Variants in OPTN observed in about 807,000 individuals in gnomAD.
The protein encoded by OPTN is optineurin, also known as E3-14.7K-interacting protein.
In OPTN, 54 loss-of-function variants were observed where a neutral mutation model predicts 70.4. That is an observed-to-expected ratio of 0.77 (90% CI 0.62 to 0.96). The LOEUF (loss-of-function observed/expected upper bound fraction) is 0.96, where lower values mean the gene tolerates loss of function less well. Ranked by LOEUF, OPTN falls within the 40% of genes least tolerant of loss-of-function variation. OPTN has a pLI of 0.00. For synonymous variants in OPTN, 256 were observed against 248.5 expected, an observed-to-expected ratio of 1.03 and a Z score of -0.28; for missense variants, 624 against 673.2, an observed-to-expected ratio of 0.93 and a Z score of 0.81.
Position 13,137,171 on chromosome 10 carries a change from C to T in OPTN, c.*305C>T. 2 of 431,428 alleles carry T rather than the reference C, an allele frequency of 4.6e-6. No homozygotes were observed. Among genetic ancestry groups the T allele is most frequent in the Non-Finnish European group, 8.7e-6 (2 of 228,610 alleles). 26.7% of individuals were successfully genotyped at this position (431,428 alleles called of 1,614,324 possible). A position where few individuals can be genotyped will look rare whatever the true frequency, so the allele number is the denominator to read the frequency against. ...GCGCATGCCTGTAGTCGCAGCTACT[C>T]GCGAGGTTGAGGCAGGAGAATTGCT... On this transcript the variant is annotated 3_prime_UTR_variant, in exon 15 of 15. Coordinates refer to ENST00000378747, the MANE Select transcript of OPTN (RefSeq NM_001008212.2).
Position 13,125,512 on chromosome 10 carries a change from G to C in OPTN, c.1093G>C (p.Val365Leu), listed in dbSNP as rs757950964. The C allele has an allele frequency of 6.2e-7, 1 of 1,614,134 alleles. No individual in the cohort carries two copies. The highest frequency in any genetic ancestry group is 1.1e-5 in the South Asian group (1 of 91,078). The change falls in exon 10 of 15, where the codon GTG (valine) becomes CTG (leucine). Residue 365 changes from valine to leucine, a missense_variant. Transcript: ENST00000378747. ...TACTAACAAAAAGTTAGAGCTACAA[G>C]TGGAAAGCATGCTATCAGAAATCAA... ...VYTNKKLELQ[V>L]ESMLSEIKME...
rs771814425 is a variant in OPTN, at chr10:13,112,554, G to T, written c.471G>T (p.Leu157=). The part of the protein sequence containing the change: ...VVRLQAEKAD[L]LGIVSELQLK... ...GGCTACAAGCAGAGAAGGCAGACCTGTTGGGCATCGTGTCTGAACTGCAGC... is the reference window on the plus strand; with the variant it reads ...GGCTACAAGCAGAGAAGGCAGACCTTTTGGGCATCGTGTCTGAACTGCAGC... Residue 157 remains leucine, a synonymous_variant, in exon 5 of 15, where the codon CTG becomes CTT. Transcript: ENST00000378747. 1.2e-6 allele frequency: 2 copies of T among 1,614,064 alleles called. No homozygotes were observed. The highest frequency in any genetic ancestry group is 1.7e-6 in the Non-Finnish European group (2 of 1,180,044).
chr10:13,108,978 C>G, intron 2 of OPTN, 134 bp from the exon 3 acceptor site: 1 of 813,486 alleles, frequency 1.2e-6, no homozygotes, highest in South Asian at 1.4e-5. Flanking sequence ...TCAAAAATGT[C>G]CAAAATGTAA....
rs1275810602 is a variant in OPTN at position 13,136,837 on chromosome 10, C to T, written c.1705C>T (p.Gln569Ter). The change falls in exon 15 of 15, where the codon CAG becomes TAG. Residue 569 changes from glutamine to a stop codon, truncating the protein, a stop_gained. Transcript: ENST00000378747. LOFTEE classifies it high-confidence loss of function. ...GGTTCTGCCTGACATAGACACGTTA[C>T]AGATTCACGTGATGGATTGCATCAT... is the stretch of plus-strand genomic sequence containing the variant. Reference protein sequence around the residue: ...GEVLPDIDTLQIHVMDCII With the variant: ...GEVLPDIDTL The T allele has an allele frequency of 9.3e-6, 15 of 1,614,214 alleles. No homozygotes were observed. Among genetic ancestry groups the T allele is most frequent in the Non-Finnish European group, 1.3e-5 (15 of 1,180,032 alleles).
At chr10:13,105,632 G>A (rs917521620) in intron 1 of OPTN, among the ~76,000 whole-genome samples, 7 of 152,298 alleles carry the variant, frequency 4.6e-5, no homozygotes, top group East Asian at 1.9e-4. Context: ...GGAGGGGCCC[G>A]GCACCGTGGC....
intron 7 of OPTN, among the ~76,000 whole-genome samples, chr10:13,119,320 T>G (rs1833290702): frequency 6.6e-6 from 1 of 152,244 alleles, no homozygotes; most frequent in Non-Finnish European, 1.5e-5. Context: ...TGTGGTTTTT[T>G]GTGACTGGCT....
intron 5 of OPTN, among the ~76,000 whole-genome samples, chr10:13,114,879 T>TTA (rs34921491): frequency 1.5e-5 from 1 of 64,606 alleles, no homozygotes; most frequent in Non-Finnish European, 2.7e-5. Context: ...TATAATTGTA[T>TTA]TATATACACT....
intron 11 of OPTN, among the ~76,000 whole-genome samples, chr10:13,127,530 G>C (rs1053450285): frequency 6.6e-6 from 1 of 152,022 alleles, no homozygotes; most frequent in Non-Finnish European, 1.5e-5. Context: ...AGACTGGTTA[G>C]AGCTGATACA....
intron 1 of OPTN, among the ~76,000 whole-genome samples, chr10:13,105,951 T>C (rs990724539): frequency 6.6e-6 from 1 of 151,814 alleles, no homozygotes; most frequent in Non-Finnish European, 1.5e-5. Flanking sequence ...TCTTAACAGT[T>C]TTCAAAGAAA....
At chr10:13,135,629 C>G (rs1162433424) in intron 14 of OPTN, among the ~76,000 whole-genome samples, 1 of 152,034 alleles carries the variant, frequency 6.6e-6, no homozygotes, top group Non-Finnish European at 1.5e-5. Context: ...TCCCGGCACA[C>G]AGCAGTGTCT....
intron 12 of OPTN, among the ~76,000 whole-genome samples, chr10:13,130,422 C>A (rs1304025766): frequency 3.7e-5 from 2 of 53,524 alleles, no homozygotes; most frequent in African/African-American, 7.7e-5. Flanking sequence ...GAGACTCTAT[C>A]TCAAAAAAAA....
chr10:13,100,967 A>T (rs2131465839), intron 1 of OPTN, among the ~76,000 whole-genome samples: 1 of 152,378 alleles, frequency 6.6e-6, no homozygotes, highest in South Asian at 2.1e-4. Flanking sequence ...GATGAAATGG[A>T]AAATGAAAGC....
chr10:13,118,494 AAT>A (rs2131504729), intron 6 of OPTN, among the ~76,000 whole-genome samples: 1 of 152,336 alleles, frequency 6.6e-6, no homozygotes, highest in Non-Finnish European at 1.5e-5. Context: ...TGGTCTGTAC[AAT>A]GTGCCTTTAT....
Position 13,132,210 on chromosome 10 carries a change from G to T in OPTN, c.1532+13G>T, listed in dbSNP as rs934312394. ...AAGACGGAGGCAGGTAAGGAAAAGA[G>T]AGAGGAGGACCCAGAGCTCACATCA... On this transcript the variant is annotated intron_variant, in intron 13 of 14. Coordinates refer to ENST00000378747, the MANE Select transcript of OPTN (RefSeq NM_001008212.2). The T allele has an allele frequency of 6.2e-7, 1 of 1,611,208 alleles. No homozygotes were observed. The highest frequency in any genetic ancestry group is 1.7e-5 in the Admixed American group (1 of 59,964).
In OPTN at chr10:13,122,450, C is replaced by G. The variant is rs746584173; in HGVS notation, c.845C>G (p.Thr282Arg). ...SEIETQTEGS[T>R]EKENDEEKGP... ...ATTGAAACCCAGACAGAGGGGAGCA[C>G]AGAGAAAGAGAATGATGAAGAGAAA... is the stretch of plus-strand genomic sequence containing the variant. Residue 282 changes from threonine to arginine, a missense_variant, in exon 8 of 15, where the codon ACA becomes AGA. Transcript: ENST00000378747. 4 of 1,613,778 alleles carry G rather than the reference C, an allele frequency of 2.5e-6. No individual in the cohort carries two copies. In the African/African-American group the frequency reaches 5.3e-5, roughly 22 times the overall value.
intron 6 of OPTN, among the ~76,000 whole-genome samples, chr10:13,117,022 C>G (rs1833224446): frequency 6.6e-6 from 1 of 151,554 alleles, no homozygotes; most frequent in African/African-American, 2.4e-5. Context: ...CTGCAAGCTG[C>G]TTACTCCTGT....
At chr10:13,106,256 C>T (rs1024006466) in intron 1 of OPTN, among the ~76,000 whole-genome samples, 1 of 152,134 alleles carries the variant, frequency 6.6e-6, no homozygotes, top group Non-Finnish European at 1.5e-5. Context: ...TAGGTAGGAA[C>T]ACTGTTACTC....
rs117027987 is a variant in OPTN, at chr10:13,122,178, T to C, written c.780-207T>C. Among the ~76,000 whole-genome samples, 651 of 152,364 alleles carry C rather than the reference T, an allele frequency of 4.3e-3. 3 individuals carry two copies. Among genetic ancestry groups the C allele is most frequent in the East Asian group, 0.012 (60 of 5,188 alleles). On this transcript the variant is annotated intron_variant, in intron 7 of 14. Transcript: ENST00000378747. ...ATGAGTTTCACTTGCCTTTTACCTCTGTGTGTATTTGTCTGTGAATCAATT... is the reference window on the plus strand; with the variant it reads ...ATGAGTTTCACTTGCCTTTTACCTCCGTGTGTATTTGTCTGTGAATCAATT...
intron 8 of OPTN, among the ~76,000 whole-genome samples, chr10:13,123,466 C>T (rs1318297634): frequency 6.6e-6 from 1 of 152,146 alleles, no homozygotes; most frequent in Non-Finnish European, 1.5e-5. Context: ...AAGAGACCAC[C>T]AGTGAATAAT....
Sources: allele counts gnomAD v4.1 joint callset (sites outside exome capture counted in the v4.1 genomes callset), GRCh38; gene constraint gnomAD v4.1.1; transcripts MANE v1.5; gene names NCBI Gene and HGNC (gene_info 2026-07-23, HGNC 2026-07-21).